Variants in MEF2A observed in about 807,000 individuals in gnomAD.
MEF2A encodes myocyte enhancer factor 2A.
In MEF2A, 28 loss-of-function variants were observed where a neutral mutation model predicts 55.8. The ratio of observed to expected loss-of-function variants is 0.50; its 90% confidence interval spans 0.37 to 0.69. MEF2A has a LOEUF of 0.69. MEF2A is among the 30% of genes least tolerant of loss of function. The probability of loss-of-function intolerance (pLI) is 0.00; values close to 1 mark genes in which losing one functional copy is unlikely to be tolerated. For missense variants in MEF2A, 528 were observed against 626.2 expected, an observed-to-expected ratio of 0.84 and a Z score of 1.67; for synonymous variants, 239 against 227.1, an observed-to-expected ratio of 1.05 and a Z score of -0.47.
intron 1 of MEF2A, 21 bp downstream of exon 1, chr15:99,566,125 G>A (rs1238656318): frequency 2.0e-5 from 3 of 151,928 alleles, no homozygotes; most frequent in Admixed American, 2.0e-4. Context: ...CGGGCAGCGG[G>A]GCTCAGTCCG....
chr15:99,664,565 A>G (rs1299923155), intron 4 of MEF2A, among the ~76,000 whole-genome samples: 1 of 152,212 alleles, frequency 6.6e-6, no homozygotes, highest in Non-Finnish European at 1.5e-5. Flanking sequence ...AGAAAAGTGG[A>G]AAAAAGATAT....
chr15:99,663,405 A>T (rs1309586031), intron 4 of MEF2A, among the ~76,000 whole-genome samples: 3 of 152,090 alleles, frequency 2.0e-5, no homozygotes, highest in Non-Finnish European at 4.4e-5. Context: ...GACTACCAAG[A>T]ACTGAAAACA....
rs552038674 is a variant in MEF2A at position 99,710,898 on chromosome 15, C to T, written c.1136+138C>T. On this transcript the variant is annotated intron_variant, in intron 11 of 11. Coordinates refer to ENST00000557942, the MANE Select transcript of MEF2A (RefSeq NM_001319206.4). Reference sequence around the variant, plus strand: ...TTCCTTTTCAGGTAGATACAAGTGTCGGGAGAAAATATTTTCTTACATGGC... The same window carrying T: ...TTCCTTTTCAGGTAGATACAAGTGTTGGGAGAAAATATTTTCTTACATGGC... 3.7e-5 allele frequency: 38 copies of T among 1,040,352 alleles called. 1 individual carries two copies. The highest frequency in any genetic ancestry group is 1.9e-4 in the African/African-American group (12 of 62,588). 64.4% of individuals were successfully genotyped at this position (1,040,352 alleles called of 1,614,324 possible). A position where few individuals can be genotyped will look rare whatever the true frequency, so the allele number is the denominator to read the frequency against.
intron 7 of MEF2A, among the ~76,000 whole-genome samples, chr15:99,684,138 C>G (rs534686620): frequency 1.3e-5 from 2 of 152,108 alleles, no homozygotes; most frequent in African/African-American, 4.8e-5. Flanking sequence ...GGCATTTGGG[C>G]TGGTTCCATA....
rs149835055 is a variant in MEF2A, at chr15:99,657,181, A to C, written c.258+11417A>C. Among the ~76,000 whole-genome samples, 41 of 152,050 alleles carry C rather than the reference A, an allele frequency of 2.7e-4. No homozygotes were observed. In the East Asian group the frequency reaches 7.5e-3, roughly 28 times the overall value. The stretch of plus-strand genomic sequence containing the variant: ...CCATTTGCTACTGTGAAGTTTGTAT[A>C]CAAGTTTTGGTATGGGTATAAGTTT... On this transcript the variant is annotated intron_variant, in intron 4 of 11. Transcript: ENST00000557942.
intron 1 of MEF2A, among the ~76,000 whole-genome samples, chr15:99,567,340 A>G (rs953860623): frequency 1.3e-5 from 2 of 152,158 alleles, no homozygotes; most frequent in Admixed American, 1.3e-4. Flanking sequence ...TGTGTCTTGT[A>G]TCATCTATTA....
intron 8 of MEF2A, among the ~76,000 whole-genome samples, chr15:99,696,544 T>C (rs1442001018): frequency 3.3e-5 from 5 of 151,822 alleles, no homozygotes; most frequent in Non-Finnish European, 7.4e-5. Context: ...AAAATACATA[T>C]AGCCAAATGA....
Position 99,615,588 on chromosome 15 carries a change from A to G in MEF2A, c.-143+17077A>G, listed in dbSNP as rs115761088. On this transcript the variant is annotated intron_variant, in intron 2 of 11. Coordinates refer to ENST00000557942, the MANE Select transcript of MEF2A (RefSeq NM_001319206.4). ...TAAAGATTTGGCATCTGAAGCTTAG[A>G]GAAATTGAGTAACTTCTCAAGGCAA... 3.4e-3 allele frequency among the ~76,000 whole-genome samples: 518 copies of G among 152,300 alleles called. 4 individuals carry two copies. The highest frequency in any genetic ancestry group is 0.011 in the African/African-American group (472 of 41,562).
At chr15:99,682,572 C>T (rs2053444077) in intron 7 of MEF2A, among the ~76,000 whole-genome samples, 1 of 152,126 alleles carries the variant, frequency 6.6e-6, no homozygotes. Context: ...CTGCACTCTA[C>T]AAAATAACAA....
chr15:99,602,650 T>TGGG (rs201036705), intron 2 of MEF2A, among the ~76,000 whole-genome samples: 1 of 103,334 alleles, frequency 9.7e-6, no homozygotes, highest in Non-Finnish European at 2.0e-5. Context: ...CTGACATTCC[T>TGGG]GGGGTGTGTG....
At chr15:99,620,107 A>T (rs1272830194) in intron 2 of MEF2A, among the ~76,000 whole-genome samples, 2 of 152,250 alleles carry the variant, frequency 1.3e-5, no homozygotes, top group Non-Finnish European at 2.9e-5. Context: ...ATAATTTTTT[A>T]AATTGCCTTT....
At chr15:99,693,940 C>T (rs1597211999) in intron 8 of MEF2A, among the ~76,000 whole-genome samples, 1 of 152,196 alleles carries the variant, frequency 6.6e-6, no homozygotes, top group Non-Finnish European at 1.5e-5. Flanking sequence ...ACACCCCACA[C>T]ATCATTTTTT....
intron 3 of MEF2A, among the ~76,000 whole-genome samples, chr15:99,641,078 C>T (rs2044828034): frequency 9.2e-5 from 14 of 152,082 alleles, no homozygotes; most frequent in Admixed American, 9.2e-4. Context: ...TAGCGGGTCC[C>T]AGCCGTCGAA....
At chr15:99,708,408 C>T (rs1234875826) in intron 10 of MEF2A, among the ~76,000 whole-genome samples, 1 of 152,152 alleles carries the variant, frequency 6.6e-6, no homozygotes, top group Non-Finnish European at 1.5e-5. Context: ...TTCCACTATA[C>T]TTATTTTTAG....
In MEF2A at chr15:99,715,909, A is replaced by G. The variant is rs1302939854; in HGVS notation, c.*3138A>G. On this transcript the variant is annotated 3_prime_UTR_variant, in exon 12 of 12. Transcript: ENST00000557942. ...TTATGTCCATTTTGTTATAGACTAA[A>G]TCAGGGGTTTGTTCTACAAGAACAA... The G allele has an allele frequency of 6.6e-6, 1 of 152,516 alleles. No homozygotes were observed. Among genetic ancestry groups the G allele is most frequent in the African/African-American group, 2.4e-5 (1 of 41,440 alleles). 9.4% of individuals were successfully genotyped at this position (152,516 alleles called of 1,614,324 possible). A position where few individuals can be genotyped will look rare whatever the true frequency, so the allele number is the denominator to read the frequency against.
chr15:99,570,004 A>C (rs891480831), intron 1 of MEF2A, among the ~76,000 whole-genome samples: 1 of 151,774 alleles, frequency 6.6e-6, no homozygotes, highest in Non-Finnish European at 1.5e-5. Context: ...CTAAATTTTT[A>C]TATAGATGCT....
At chr15:99,611,673 A>G (rs1455712978) in intron 2 of MEF2A, among the ~76,000 whole-genome samples, 1 of 152,238 alleles carries the variant, frequency 6.6e-6, no homozygotes, top group Non-Finnish European at 1.5e-5. Context: ...TCCTAGCGAT[A>G]TATCTGGTAG....
chr15:99,580,577 C>A (rs369090907), intron 1 of MEF2A, among the ~76,000 whole-genome samples: 1 of 152,288 alleles, frequency 6.6e-6, no homozygotes, highest in Admixed American at 6.5e-5. Flanking sequence ...TGATAACTTG[C>A]AAATACTGGT....
chr15:99,636,231 G>A (rs777926540), intron 3 of MEF2A, among the ~76,000 whole-genome samples: 1 of 151,878 alleles, frequency 6.6e-6, no homozygotes, highest in Non-Finnish European at 1.5e-5. Flanking sequence ...TCTTCTAATG[G>A]GCTGCCTGCT....
Sources: gnomAD v4.1 joint callset for allele counts (sites outside exome capture counted in the v4.1 genomes callset) on GRCh38, gnomAD v4.1.1 for gene constraint, MANE v1.5 for transcripts, NCBI Gene and HGNC (gene_info 2026-07-23, HGNC 2026-07-21) for gene names.